Variants in FAM20A observed in about 807,000 individuals in gnomAD.
FAM20A encodes the protein pseudokinase FAM20A.
FAM20A carries 42 observed loss-of-function variants against 52.0 expected under a neutral mutation model. That is an observed-to-expected ratio of 0.81 (90% CI 0.63 to 1.04). The LOEUF (loss-of-function observed/expected upper bound fraction) is 1.04, where lower values mean the gene tolerates loss of function less well. Among genes scored for constraint, FAM20A ranks in the 50% least tolerant of loss-of-function variants. The pLI is 0.00. For missense variants in FAM20A, 742 were observed against 712.7 expected (o/e 1.04, Z -0.47); for synonymous variants, 304 against 298.9 (o/e 1.02, Z -0.18).
chr17:68,592,440 G>C (rs2088339936), intron 1 of FAM20A, among the ~76,000 whole-genome samples: 1 of 152,188 alleles, frequency 6.6e-6, no homozygotes, highest in African/African-American at 2.4e-5. Context: ...GAATTGGCCA[G>C]GAGAGACAAT....
At chr17:68,553,783 CATGTATACACAT>C (rs1267260597) in intron 3 of FAM20A, among the ~76,000 whole-genome samples, 2 of 143,768 alleles carry the variant, frequency 1.4e-5, no homozygotes, top group East Asian at 3.9e-4. Flanking sequence ...TACATATATA[CATGTATACACAT>C]ACATATATAC....
At chr17:68,541,156 C>G in intron 7 of FAM20A, 198 bp from the exon 8 acceptor site, 1 of 695,032 alleles carries the variant, frequency 1.4e-6, no homozygotes, top group Non-Finnish European at 2.3e-6. Context: ...GGTCCTGGGT[C>G]CTTTAAGTCT....
In FAM20A at chr17:68,537,594, T is replaced by G; in HGVS notation, c.1509A>C (p.Gln503His). 6.2e-7 allele frequency: 1 copy of G among 1,613,676 alleles called. No individual in the cohort carries two copies. Among genetic ancestry groups the G allele is most frequent in the Non-Finnish European group, 8.5e-7 (1 of 1,179,748 alleles). ...PHLLALDRRL[Q>H]TILRTVEGCI... Reference sequence around the variant, plus strand: ...ACCCCTCCACTGTCCTTAGGATGGTTTGGAGCCTTCGATCCAGGGCAAGGA... The same window carrying G: ...ACCCCTCCACTGTCCTTAGGATGGTGTGGAGCCTTCGATCCAGGGCAAGGA... Residue 503 changes from glutamine to histidine, a missense_variant, in exon 11 of 11, where the codon CAA becomes CAC. Coordinates refer to ENST00000592554, the MANE Select transcript of FAM20A (RefSeq NM_017565.4). The surrounding 1 kb of genome is among the most constrained non-coding windows in gnomAD (Gnocchi z 4.2).
intron 4 of FAM20A, chr17:68,551,202 C>A: frequency 1.8e-6 from 2 of 1,090,104 alleles, no homozygotes; most frequent in Non-Finnish European, 2.3e-6. Context: ...AAACTCACAC[C>A]AAGCTCTGTC....
At chr17:68,579,142 G>A (rs2087869893) in intron 1 of FAM20A, among the ~76,000 whole-genome samples, 2 of 152,250 alleles carry the variant, frequency 1.3e-5, no homozygotes, top group South Asian at 4.1e-4. Context: ...CCAAGGTTAG[G>A]AAAGGAGAGT....
At chr17:68,591,686 CTT>C (rs2088314036) in intron 1 of FAM20A, 1 of 152,294 alleles carries the variant, frequency 6.6e-6, no homozygotes, top group African/African-American at 2.4e-5. Flanking sequence ...GAAGCCCTCC[CTT>C]TCCCAGCTGA....
At chr17:68,561,655 A>G (rs2087218491) in intron 1 of FAM20A, among the ~76,000 whole-genome samples, 1 of 150,384 alleles carries the variant, frequency 6.6e-6, no homozygotes, top group Non-Finnish European at 1.5e-5. Context: ...TATCCACATG[A>G]ATTTTACAAT....
intron 1 of FAM20A, among the ~76,000 whole-genome samples, chr17:68,593,787 A>T (rs1337072771): frequency 6.6e-6 from 1 of 152,236 alleles, no homozygotes; most frequent in Non-Finnish European, 1.5e-5. Flanking sequence ...GCAAGTGACC[A>T]TTCCTTCTCA....
intron 1 of FAM20A, among the ~76,000 whole-genome samples, chr17:68,556,954 CCA>C (rs1474114885): frequency 6.6e-6 from 1 of 151,862 alleles, no homozygotes. Flanking sequence ...TTAAAAATTA[CCA>C]CTTTGGGAGG....
At chr17:68,580,080 A>G (rs1368784334) in intron 1 of FAM20A, among the ~76,000 whole-genome samples, 1 of 152,230 alleles carries the variant, frequency 6.6e-6, no homozygotes, top group Admixed American at 6.5e-5. Context: ...TCCTCTCCTC[A>G]AGCTCTTAAA....
At chr17:68,552,242 GAA>G (rs1053172976) in intron 3 of FAM20A, among the ~76,000 whole-genome samples, 1 of 141,790 alleles carries the variant, frequency 7.1e-6, no homozygotes, top group South Asian at 2.2e-4. Context: ...CCTCCATTTT[GAA>G]AAAAAAAAAG....
At chr17:68,580,836 G>A (rs555596262) in intron 1 of FAM20A, among the ~76,000 whole-genome samples, 1 of 152,068 alleles carries the variant, frequency 6.6e-6, no homozygotes, top group Non-Finnish European at 1.5e-5. Context: ...CTCCTCATAA[G>A]GTCAGTATTA....
intron 2 of FAM20A, among the ~76,000 whole-genome samples, chr17:68,555,235 T>C (rs2087018175): frequency 6.6e-6 from 1 of 152,246 alleles, no homozygotes; most frequent in Admixed American, 6.5e-5. Context: ...TTTCCCTGTC[T>C]GTAAAATGGC....
intron 7 of FAM20A, chr17:68,541,762 A>G (rs909882642): frequency 2.1e-5 from 11 of 518,608 alleles, no homozygotes; most frequent in Middle Eastern, 5.1e-4. Context: ...TCTGTATCCC[A>G]TAACACCTAG....
In FAM20A at chr17:68,536,506, C is replaced by T. The variant is rs1568713440; in HGVS notation, c.*971G>A. On this transcript the variant is annotated 3_prime_UTR_variant, in exon 11 of 11. Coordinates refer to ENST00000592554, the MANE Select transcript of FAM20A (RefSeq NM_017565.4). ...AGGGAGGCTTCAATAAAAAACCTGA[C>T]TTAGTCTTTTTTGAGCCAGCCGTCA... 1 of 454,098 alleles carries T rather than the reference C, an allele frequency of 2.2e-6. No individual in the cohort carries two copies. The highest frequency in any genetic ancestry group is 2.3e-5 in the Admixed American group (1 of 42,578). The allele number at this position is 454,098 out of a possible 1,614,324, so 28.1% of individuals were successfully genotyped here.
chr17:68,578,588 AGAT>A (rs1366159058), intron 1 of FAM20A, among the ~76,000 whole-genome samples: 1 of 152,050 alleles, frequency 6.6e-6, no homozygotes. Flanking sequence ...TGTTCTCAGA[AGAT>A]AGCTGGGCCT....
chr17:68,543,868 G>T, intron 4 of FAM20A, 147 bp from the exon 5 acceptor site: 1 of 736,064 alleles, frequency 1.4e-6, no homozygotes, highest in Non-Finnish European at 2.4e-6. Context: ...AGTCAGGAAT[G>T]GCCTGTGGCT....
rs536373484 is a variant in FAM20A, at chr17:68,541,400, C to T, written c.1110-442G>A. On this transcript the variant is annotated intron_variant, in intron 7 of 10. Coordinates refer to ENST00000592554, the MANE Select transcript of FAM20A (RefSeq NM_017565.4). ...TCCGATGCCCATTTTCATCCGAGGGCTCTTCTCAGCCTTCACAGAGTCCCT... is the reference window on the plus strand; with the variant it reads ...TCCGATGCCCATTTTCATCCGAGGGTTCTTCTCAGCCTTCACAGAGTCCCT... 2.3e-5 allele frequency: 5 copies of T among 221,992 alleles called. No homozygotes were observed. The South Asian group carries it at 3.4e-4, about 15-fold the overall frequency. The allele number at this position is 221,992 out of a possible 1,614,324, so 13.8% of individuals were successfully genotyped here.
intron 8 of FAM20A, chr17:68,540,604 G>A: frequency 1.7e-6 from 1 of 602,444 alleles, no homozygotes; most frequent in South Asian, 1.5e-5. Context: ...CGCCCACTCA[G>A]GCCCGTGGCA....
Sources: allele counts gnomAD v4.1 joint callset (sites outside exome capture counted in the v4.1 genomes callset), GRCh38; gene constraint gnomAD v4.1.1; non-coding constraint Gnocchi (gnomAD v3.1); transcripts MANE v1.5; gene names NCBI Gene and HGNC (gene_info 2026-07-23, HGNC 2026-07-21).